The following SYNPR variants were observed in gnomAD, a reference collection of about 807,000 sequenced individuals.
SYNPR encodes the protein synaptoporin.
In SYNPR, 23 loss-of-function variants were observed where a neutral mutation model predicts 32.9. The ratio of observed to expected loss-of-function variants is 0.70; its 90% CI spans 0.50 to 0.99. The LOEUF (loss-of-function observed/expected upper bound fraction) is 0.99, where lower values mean the gene tolerates loss of function less well. Among genes scored for constraint, SYNPR ranks in the 50% least tolerant of loss-of-function variants. The pLI is 0.00. For missense variants in SYNPR, 318 were observed against 349.3 expected (o/e 0.91, Z 0.71); for synonymous variants, 146 against 135.9 (o/e 1.07, Z -0.52).
chr3:63,264,704 G>A (rs1196946104), intron 2 of SYNPR, among the ~76,000 whole-genome samples: 3 of 152,208 alleles, frequency 2.0e-5, no homozygotes, highest in Non-Finnish European at 2.9e-5. Flanking sequence ...AATTTATAAA[G>A]GAAAGAGGTT....
intron 2 of SYNPR, among the ~76,000 whole-genome samples, chr3:63,283,458 A>G (rs2086648554): frequency 6.6e-6 from 1 of 152,188 alleles, no homozygotes; most frequent in African/African-American, 2.4e-5. Context: ...GGGACATAGC[A>G]CTGACTCTGG....
chr3:63,385,735 G>A (rs950798305), intron 2 of SYNPR, among the ~76,000 whole-genome samples: 4 of 152,192 alleles, frequency 2.6e-5, no homozygotes, highest in Admixed American at 1.3e-4. Context: ...AACTTTATGT[G>A]AGGTCAGGTG....
intron 5 of SYNPR, among the ~76,000 whole-genome samples, chr3:63,613,051 T>C (rs970018002): frequency 1.3e-5 from 2 of 151,672 alleles, no homozygotes; most frequent in Middle Eastern, 3.2e-3. Flanking sequence ...TAGCTCACTA[T>C]AACCTGGAAC....
chr3:63,367,657 G>A (rs1245618836), intron 2 of SYNPR, among the ~76,000 whole-genome samples: 1 of 152,060 alleles, frequency 6.6e-6, no homozygotes, highest in Admixed American at 6.6e-5. Flanking sequence ...ATTGCATCTG[G>A]CCTTGAATTA....
At chr3:63,568,572 G>A (rs1386878912) in intron 4 of SYNPR, among the ~76,000 whole-genome samples, 2 of 152,112 alleles carry the variant, frequency 1.3e-5, no homozygotes, top group African/African-American at 4.8e-5. Context: ...GTCCCCTCTT[G>A]AATTTCTCTA....
chr3:63,586,113 T>C (rs1212696000), intron 4 of SYNPR, among the ~76,000 whole-genome samples: 1 of 152,042 alleles, frequency 6.6e-6, no homozygotes, highest in Non-Finnish European at 1.5e-5. Context: ...ATTTCCTCCT[T>C]GGTATTTGAG....
At chr3:63,252,376 T>C (rs1020914728) in intron 1 of SYNPR, 44 of 152,344 alleles carry the variant, frequency 2.9e-4, no homozygotes, top group African/African-American at 1.0e-3. Context: ...TGAATTTGAA[T>C]TCCATTTATG....
chr3:63,522,417 T>C (rs1336835428), intron 3 of SYNPR, among the ~76,000 whole-genome samples: 1 of 152,232 alleles, frequency 6.6e-6, no homozygotes, highest in Non-Finnish European at 1.5e-5. Flanking sequence ...CTTTTGGACC[T>C]CTTATATTTA....
chr3:63,276,440 TG>T (rs1257373054), upstream of SYNPR, among the ~76,000 whole-genome samples: 1 of 152,170 alleles, frequency 6.6e-6, no homozygotes, highest in African/African-American at 2.4e-5. Context: ...CTGCCCTAGA[TG>T]GGCTATCTGC....
chr3:63,338,633 G>A (rs2087324586), intron 2 of SYNPR, among the ~76,000 whole-genome samples: 1 of 152,174 alleles, frequency 6.6e-6, no homozygotes, highest in African/African-American at 2.4e-5. Context: ...TATTGTATTA[G>A]GTCATGTTAT....
intron 4 of SYNPR, among the ~76,000 whole-genome samples, chr3:63,581,358 C>T (rs1703088607): frequency 1.0e-5 from 1 of 97,776 alleles, no homozygotes; most frequent in South Asian, 5.5e-4. Flanking sequence ...TAAAGCAACA[C>T]CAAACAAAAG....
intron 2 of SYNPR, among the ~76,000 whole-genome samples, chr3:63,464,784 C>T (rs1459094496): frequency 6.6e-6 from 1 of 152,076 alleles, no homozygotes; most frequent in Non-Finnish European, 1.5e-5. Context: ...CTTTGGTTCC[C>T]ATCAACAAAT....
intron 2 of SYNPR, among the ~76,000 whole-genome samples, chr3:63,472,188 T>C (rs1363414437): frequency 6.6e-6 from 1 of 152,174 alleles, no homozygotes; most frequent in African/African-American, 2.4e-5. Context: ...CCATCTTCAA[T>C]ATTTCTGTAT....
intron 2 of SYNPR, among the ~76,000 whole-genome samples, chr3:63,253,692 A>C: frequency 6.6e-6 from 1 of 152,306 alleles, no homozygotes; most frequent in South Asian, 2.1e-4. Context: ...GATGTGGAGA[A>C]ATAAGAACAC....
At chr3:63,369,511 T>C (rs2087769796) in intron 2 of SYNPR, among the ~76,000 whole-genome samples, 1 of 152,226 alleles carries the variant, frequency 6.6e-6, no homozygotes, top group African/African-American at 2.4e-5. Flanking sequence ...ACATAAGCTA[T>C]GTGATATTTC....
intron 2 of SYNPR, among the ~76,000 whole-genome samples, chr3:63,473,530 G>A (rs1427858542): frequency 2.0e-5 from 3 of 152,098 alleles, no homozygotes; most frequent in East Asian, 3.8e-4. Flanking sequence ...TTAGGGAAGT[G>A]GTAAAACAAA....
At chr3:63,460,605 G>C (rs1700566846) in intron 2 of SYNPR, among the ~76,000 whole-genome samples, 1 of 144,362 alleles carries the variant, frequency 6.9e-6, no homozygotes, top group Admixed American at 6.9e-5. Flanking sequence ...AGCCAAGATT[G>C]GTTTGTAAGG....
intron 3 of SYNPR, among the ~76,000 whole-genome samples, chr3:63,481,435 GTATATA>G (rs71636051): frequency 1.4e-5 from 2 of 147,676 alleles, no homozygotes; most frequent in African/African-American, 2.5e-5. Context: ...TATATTAAGT[GTATATA>G]TATATATATA....
intron 3 of SYNPR, among the ~76,000 whole-genome samples, chr3:63,539,559 A>G (rs532427175): frequency 9.5e-4 from 145 of 152,270 alleles, no homozygotes; most frequent in Non-Finnish European, 1.7e-3. Flanking sequence ...AAAGAAGGGT[A>G]TGGTCCTTGC....
Sources: gnomAD v4.1 joint callset for allele counts (sites outside exome capture counted in the v4.1 genomes callset) on GRCh38, gnomAD v4.1.1 for gene constraint, MANE v1.5 for transcripts, NCBI Gene and HGNC (gene_info 2026-07-23, HGNC 2026-07-21) for gene names.